The following SPARC variants were observed in gnomAD, a reference collection of about 807,000 sequenced individuals.
The protein encoded by SPARC is basement-membrane protein 40.
SPARC carries 23 observed loss-of-function variants against 37.7 expected under a neutral mutation model. The observed-to-expected ratio is 0.61, with a 90% CI of 0.44 to 0.87. The LOEUF is 0.87. SPARC is among the 40% of genes least tolerant of loss of function. SPARC has a pLI of 0.00. For missense variants in SPARC, 312 were observed against 389.0 expected, an observed-to-expected ratio of 0.80 and a Z score of 1.66; for synonymous variants, 155 against 150.8, an observed-to-expected ratio of 1.03 and a Z score of -0.20.
chr5:151,674,871 C>T (rs1760823871), intron 2 of SPARC, among the ~76,000 whole-genome samples, 197 bp from the exon 3 acceptor site: 1 of 152,204 alleles, frequency 6.6e-6, no homozygotes, highest in Admixed American at 6.5e-5. Context: ...CCGTGGAACA[C>T]TCAAGCAGCT....
chr5:151,686,576 G>A (rs1761145242), intron 1 of SPARC: 1 of 152,180 alleles, frequency 6.6e-6, no homozygotes, highest in Non-Finnish European at 1.5e-5. Context: ...ACCAGAGACA[G>A]ACACAGAGAA....
chr5:151,667,455 G>A lies in SPARC; in HGVS notation c.585+12C>T, dbSNP rs1316367910. ...CCAGCACGGGGCCAGCAAGGCCAGA[G>A]AGACCACTTACCCGCAGCTTCTGCT... On this transcript the variant is annotated intron_variant, in intron 7 of 9. Coordinates refer to ENST00000231061, the MANE Select transcript of SPARC (RefSeq NM_003118.4). The A allele has an allele frequency of 1.2e-5, 19 of 1,614,126 alleles. No homozygotes were observed. The highest frequency in any genetic ancestry group is 1.1e-4 in the South Asian group (10 of 91,070).
At chr5:151,671,505 C>T (rs1760747502) in intron 5 of SPARC, 68 bp downstream of exon 5, 1 of 1,494,592 alleles carries the variant, frequency 6.7e-7, no homozygotes, top group Non-Finnish European at 8.9e-7. Context: ...CCAACAGTTT[C>T]CTGAGCAGAC....
chr5:151,677,253 T>C (rs1322732010), intron 1 of SPARC, among the ~76,000 whole-genome samples: 1 of 152,212 alleles, frequency 6.6e-6, no homozygotes, highest in Admixed American at 6.5e-5. Flanking sequence ...TTCTTTCTTT[T>C]ACTGATCTAA....
At chr5:151,671,833 G>T in intron 4 of SPARC, 139 bp from the exon 5 acceptor site, 1 of 1,046,734 alleles carries the variant, frequency 9.6e-7, no homozygotes, top group Non-Finnish European at 1.4e-6. Flanking sequence ...AGTCCTGCCT[G>T]CTCTTGCACT....
At chr5:151,671,726 C>G (rs372242693) in intron 4 of SPARC, 32 bp from the exon 5 acceptor site, 1 of 1,612,612 alleles carries the variant, frequency 6.2e-7, no homozygotes, top group Non-Finnish European at 8.5e-7. Flanking sequence ...GAGTTAGCAT[C>G]ACCTGGACTA....
At chr5:151,677,681 A>T (rs1470392366) in intron 1 of SPARC, among the ~76,000 whole-genome samples, 3 of 152,144 alleles carry the variant, frequency 2.0e-5, no homozygotes, top group African/African-American at 2.4e-5. Flanking sequence ...GTCTTGACAC[A>T]TATGGTCTCC....
chr5:151,673,275 G>A, intron 3 of SPARC, 59 bp from the exon 4 acceptor site: 1 of 1,144,676 alleles, frequency 8.7e-7, no homozygotes, highest in South Asian at 1.2e-5. Context: ...GACCCATAAG[G>A]GTAGCTGAAG....
At chr5:151,669,149 T>G (rs1482888981) in intron 6 of SPARC, among the ~76,000 whole-genome samples, 2 of 152,142 alleles carry the variant, frequency 1.3e-5, no homozygotes, top group African/African-American at 4.8e-5. Context: ...TTATCCTCTC[T>G]CTTCGGAGGG....
At chr5:151,663,810 G>A (rs1760564733) in intron 9 of SPARC, among the ~76,000 whole-genome samples, 1 of 152,164 alleles carries the variant, frequency 6.6e-6, no homozygotes, top group African/African-American at 2.4e-5. Context: ...TACACTTCCT[G>A]TTTCCTCTCT....
chr5:151,666,541 G>T (rs1361247085), intron 7 of SPARC, 32 bp from the exon 8 acceptor site: 1 of 1,605,968 alleles, frequency 6.2e-7, no homozygotes. Context: ...GTGACAAGAG[G>T]TCCATGGAGA....
In SPARC at chr5:151,663,507, A is replaced by C; in HGVS notation, c.*64T>G. The C allele has an allele frequency of 2.0e-6, 3 of 1,488,582 alleles. No homozygotes were observed. Among genetic ancestry groups the C allele is most frequent in the Non-Finnish European group, 2.8e-6 (3 of 1,067,216 alleles). 92.2% of individuals were successfully genotyped at this position (1,488,582 alleles called of 1,614,324 possible). On this transcript the variant is annotated 3_prime_UTR_variant, in exon 10 of 10. Transcript: ENST00000231061. ...AACAACAAACCATCCAAACATTTTA[A>C]ACATTGGGGGAAACACGAAGGGGAG... is the stretch of plus-strand genomic sequence containing the variant.
Position 151,666,419 on chromosome 5 carries a change from T to C in SPARC, c.676A>G (p.Met226Val), listed in dbSNP as rs1268562241. The change falls in exon 8 of 10, where the codon ATG (methionine) becomes GTG (valine). Residue 226 changes from methionine to valine, a missense_variant. Coordinates refer to ENST00000231061, the MANE Select transcript of SPARC (RefSeq NM_003118.4). ...LARDFEKNYNMYIFPVHWQFG... is the reference protein window; with the variant it reads ...LARDFEKNYNVYIFPVHWQFG... ...TGCCAGTGTACAGGGAAGATGTACA[T>C]GTTATAGTTCTTCTCGAAGTCCCGG... 6 of 1,613,996 alleles carry C rather than the reference T, an allele frequency of 3.7e-6. No individual in the cohort carries two copies. The highest frequency in any genetic ancestry group is 1.3e-5 in the African/African-American group (1 of 74,914).
At chr5:151,681,390 G>A (rs931550285) in intron 1 of SPARC, among the ~76,000 whole-genome samples, 2 of 152,204 alleles carry the variant, frequency 1.3e-5, no homozygotes, top group East Asian at 3.8e-4. Flanking sequence ...CTCACTGTGC[G>A]AATTCAGGGG....
chr5:151,681,946 T>C (rs748430425), intron 1 of SPARC, among the ~76,000 whole-genome samples: 3 of 151,934 alleles, frequency 2.0e-5, no homozygotes, highest in Non-Finnish European at 4.4e-5. Context: ...AGCTGAGGAG[T>C]GGGAGTCCTA....
At chr5:151,680,216 CTTTTTTT>C (rs58021431) in intron 1 of SPARC, among the ~76,000 whole-genome samples, 43 of 61,972 alleles carry the variant, frequency 6.9e-4, no homozygotes, top group African/African-American at 1.3e-3. Context: ...TGGAAAACAT[CTTTTTTT>C]TTTTTTTTTT....
At chr5:151,685,679 A>G (rs1178210824) in intron 1 of SPARC, 1 of 152,182 alleles carries the variant, frequency 6.6e-6, no homozygotes, top group Non-Finnish European at 1.5e-5. Context: ...CCTGTGTCCT[A>G]CTTCTGCTTT....
At chr5:151,675,312 T>C (rs1760832136) in intron 2 of SPARC, among the ~76,000 whole-genome samples, 2 of 152,118 alleles carry the variant, frequency 1.3e-5, no homozygotes, top group Admixed American at 1.3e-4. Flanking sequence ...TTGAAAGAAA[T>C]TGCACTTTTT....
chr5:151,669,130 AG>A (rs1245847775), intron 6 of SPARC, among the ~76,000 whole-genome samples: 1 of 152,184 alleles, frequency 6.6e-6, no homozygotes, highest in Non-Finnish European at 1.5e-5. Context: ...GGTTTCCAGA[AG>A]AGGGTGCTTA....
Sources: gnomAD v4.1 joint callset for allele counts (sites outside exome capture counted in the v4.1 genomes callset) on GRCh38, gnomAD v4.1.1 for gene constraint, MANE v1.5 for transcripts, NCBI Gene and HGNC (gene_info 2026-07-23, HGNC 2026-07-21) for gene names.